Variants in SMAD2 observed in about 807,000 individuals in gnomAD.
The protein encoded by SMAD2 is SMAD family member 2.
SMAD2 carries 8 observed loss-of-function variants against 64.4 expected under a neutral mutation model. The ratio of observed to expected loss-of-function variants is 0.12; its 90% CI spans 0.07 to 0.22. The LOEUF (loss-of-function observed/expected upper bound fraction) is 0.22. Ranked by LOEUF, SMAD2 falls within the 10% of genes least tolerant of loss-of-function variation. SMAD2 has a pLI of 1.00. For missense variants in SMAD2, 289 were observed against 561.2 expected (o/e 0.51, Z 4.90); for synonymous variants, 203 against 195.8 (o/e 1.04, Z -0.31).
intron 6 of SMAD2, among the ~76,000 whole-genome samples, chr18:47,852,304 A>T (rs545033529): frequency 7.2e-5 from 11 of 152,312 alleles, no homozygotes; most frequent in Non-Finnish European, 1.6e-4. Flanking sequence ...AAGATTTATC[A>T]ATCATCTTTG....
intron 8 of SMAD2, among the ~76,000 whole-genome samples, chr18:47,847,571 T>C (rs1192467296): frequency 6.7e-6 from 1 of 148,398 alleles, no homozygotes; most frequent in East Asian, 2.0e-4. Flanking sequence ...AAAATTCATT[T>C]AAAAATCAAA....
chr18:47,842,704 A>T (rs1263281604), intron 10 of SMAD2, among the ~76,000 whole-genome samples: 5 of 152,174 alleles, frequency 3.3e-5, no homozygotes. Flanking sequence ...CAAAAACAAA[A>T]TTTTGGCCCA....
intron 7 of SMAD2, among the ~76,000 whole-genome samples, chr18:47,850,035 G>A (rs1914949059): frequency 6.7e-6 from 1 of 149,024 alleles, no homozygotes; most frequent in Admixed American, 6.8e-5. Context: ...AATACAATTT[G>A]TATTAGTTTT....
At chr18:47,871,542 G>C (rs906218139) in intron 2 of SMAD2, among the ~76,000 whole-genome samples, 2 of 152,180 alleles carry the variant, frequency 1.3e-5, no homozygotes, top group African/African-American at 4.8e-5. Context: ...TACAGGTGCT[G>C]TCACATAGCT....
intron 2 of SMAD2, among the ~76,000 whole-genome samples, chr18:47,880,079 AATGT>A (rs1371366870): frequency 6.6e-6 from 1 of 152,216 alleles, no homozygotes; most frequent in African/African-American, 2.4e-5. Context: ...TCCTTTCAGA[AATGT>A]TTTGCAAATA....
In SMAD2 at chr18:47,830,577, A is replaced by AT. The variant is rs1491409608; in HGVS notation, c.*11249_*11250insA. 1 of 3,356 alleles carries AT rather than the reference A, an allele frequency of 3.0e-4. No individual in the cohort carries two copies. The highest frequency in any genetic ancestry group is 0.017 in the Non-Finnish European group (1 of 58). 0.2% of individuals were successfully genotyped at this position (3,356 alleles called of 1,614,324 possible). ...GGCAACAGAGCAAGACTCTGTCTCC[A>AT]AAAAAAAAAAAAAAAAATTCGTTTT... On this transcript the variant is annotated 3_prime_UTR_variant, in exon 11 of 11. Transcript: ENST00000262160.
chr18:47,900,055 A>G (rs1598861753), intron 1 of SMAD2, among the ~76,000 whole-genome samples: 1 of 152,298 alleles, frequency 6.6e-6, no homozygotes, highest in African/African-American at 2.4e-5. Flanking sequence ...TACCTATCTT[A>G]AAGCCAATAT....
At chr18:47,848,442 T>A (rs756924296) in intron 8 of SMAD2, 33 bp downstream of exon 8, 6 of 1,508,046 alleles carry the variant, frequency 4.0e-6, no homozygotes, top group Middle Eastern at 3.5e-4. Context: ...GTATACAGCA[T>A]TTATTTTTCA....
At chr18:47,890,254 T>C (rs931263501) in intron 2 of SMAD2, among the ~76,000 whole-genome samples, 8 of 152,336 alleles carry the variant, frequency 5.3e-5, no homozygotes, top group African/African-American at 1.7e-4. Flanking sequence ...AACTGGATGA[T>C]AAGGCTGATA....
chr18:47,922,339 T>C (rs1417990284), intron 1 of SMAD2, among the ~76,000 whole-genome samples: 2 of 152,206 alleles, frequency 1.3e-5, no homozygotes, highest in African/African-American at 4.8e-5. Context: ...ATCCTCCTTA[T>C]CTGTGGGTTC....
intron 2 of SMAD2, among the ~76,000 whole-genome samples, chr18:47,885,388 G>A (rs12969668): frequency 0.015 from 2,275 of 152,124 alleles, 65 homozygotes; most frequent in African/African-American, 0.052. Flanking sequence ...GGCTGGTCTC[G>A]AACTCATGAC....
intron 2 of SMAD2, 33 bp downstream of exon 2, chr18:47,896,488 A>G (rs374832519): frequency 7.5e-6 from 12 of 1,610,422 alleles, no homozygotes; most frequent in Non-Finnish European, 1.0e-5. Context: ...CCTTGACATA[A>G]TTTGATCAAA....
chr18:47,870,888 CTT>C (rs2031891660), intron 2 of SMAD2, among the ~76,000 whole-genome samples: 1 of 152,250 alleles, frequency 6.6e-6, no homozygotes, highest in South Asian at 2.1e-4. Flanking sequence ...CTGCCATCAG[CTT>C]TACTAAGTGC....
At chr18:47,852,594 C>G (rs1438373440) in intron 6 of SMAD2, among the ~76,000 whole-genome samples, 1 of 152,130 alleles carries the variant, frequency 6.6e-6, no homozygotes, top group Non-Finnish European at 1.5e-5. Context: ...ACAGCATATT[C>G]TTTAAAAGTT....
intron 6 of SMAD2, among the ~76,000 whole-genome samples, chr18:47,851,729 TTTCC>T (rs2030108299): frequency 6.6e-6 from 1 of 152,102 alleles, no homozygotes; most frequent in Non-Finnish European, 1.5e-5. Flanking sequence ...TCACAATGTG[TTTCC>T]TTATTTGTCT....
chr18:47,919,521 A>AC (rs1568117016), intron 1 of SMAD2, among the ~76,000 whole-genome samples: 8 of 136,856 alleles, frequency 5.8e-5, no homozygotes, highest in South Asian at 2.4e-4. Context: ...CACACACACA[A>AC]AGAATAGGAG....
At chr18:47,919,239 G>A (rs1462841101) in intron 1 of SMAD2, among the ~76,000 whole-genome samples, 1 of 151,960 alleles carries the variant, frequency 6.6e-6, no homozygotes, top group Non-Finnish European at 1.5e-5. Context: ...ATGTTAGCCA[G>A]AACAAAGGCA....
At chr18:47,871,016 G>A (rs2031900399) in intron 2 of SMAD2, among the ~76,000 whole-genome samples, 1 of 152,090 alleles carries the variant, frequency 6.6e-6, no homozygotes, top group Admixed American at 6.5e-5. Flanking sequence ...AGATTTTCAG[G>A]TTATCTGGTC....
At chr18:47,930,289 G>A (rs1396130445) in intron 1 of SMAD2, 72 bp downstream of exon 1, 1 of 152,224 alleles carries the variant, frequency 6.6e-6, no homozygotes, top group African/African-American at 2.4e-5. Context: ...CATGTGACAC[G>A]GCCCATCGCC....
Sources: allele counts gnomAD v4.1 joint callset (sites outside exome capture counted in the v4.1 genomes callset), GRCh38; gene constraint gnomAD v4.1.1; transcripts MANE v1.5; gene names NCBI Gene and HGNC (gene_info 2026-07-23, HGNC 2026-07-21).